The following LRP8 variants were observed in gnomAD, a reference collection of about 807,000 sequenced individuals.
LRP8 encodes the protein LDL receptor related protein 8.
Under a neutral mutation model 111.6 loss-of-function variants are expected in LRP8, and 46 were observed. The ratio of observed to expected loss-of-function variants is 0.41; its 90% CI spans 0.33 to 0.53. The LOEUF is 0.53. Among genes scored for constraint, LRP8 ranks in the 20% least tolerant of loss-of-function variants. The pLI is 0.20. For missense variants in LRP8, 959 were observed against 1,297.4 expected, an observed-to-expected ratio of 0.74 and a Z score of 4.01; for synonymous variants, 464 against 511.2, an observed-to-expected ratio of 0.91 and a Z score of 1.24.
Position 53,327,512 on chromosome 1 carries a change from T to G in LRP8, c.124+277A>C, listed in dbSNP as rs1354289727. 4.6e-5 allele frequency: 16 copies of G among 347,434 alleles called. No individual in the cohort carries two copies. In the Admixed American group the frequency reaches 6.9e-4, roughly 15 times the overall value. The allele number at this position is 347,434 out of a possible 1,614,324, so 21.5% of individuals were successfully genotyped here. A position where few individuals can be genotyped will look rare whatever the true frequency, so the allele number is the denominator to read the frequency against. ...GAATCACACAGCTCATCCGGAACCATGAATGGCCGCCCCTCCGGCAAAGTT... is the reference window on the plus strand; with the variant it reads ...GAATCACACAGCTCATCCGGAACCAGGAATGGCCGCCCCTCCGGCAAAGTT... On this transcript the variant is annotated intron_variant, in intron 1 of 18. Coordinates refer to ENST00000306052, the MANE Select transcript of LRP8 (RefSeq NM_004631.5).
chr1:53,284,310 C>T (rs1422054005), intron 3 of LRP8, among the ~76,000 whole-genome samples: 1 of 151,896 alleles, frequency 6.6e-6, no homozygotes, highest in Non-Finnish European at 1.5e-5. Context: ...TACTACATAC[C>T]TGGGCCACTT....
rs1646463184 is a variant in LRP8, at chr1:53,264,263, T to C, written c.1561A>G (p.Ile521Val). ...CCACCATCAACTGTGGCCACTGAGA[T>C]GGTCTTATTGCCCGAGTCAGTCCAG... is the stretch of plus-strand genomic sequence containing the variant. ...IYWTDSGNKT[I>V]SVATVDGGRR... Residue 521 changes from isoleucine (I) to valine (V), a missense_variant, in exon 10 of 19, where the codon ATC becomes GTC. This residue lies in a region of LRP8 where 819 missense variants were observed against 1,097.6 expected (regional missense o/e 0.75). Transcript: ENST00000306052. 6.2e-7 allele frequency: 1 copy of C among 1,614,188 alleles called. No individual in the cohort carries two copies. Among genetic ancestry groups the C allele is most frequent in the Non-Finnish European group, 8.5e-7 (1 of 1,180,026 alleles).
At chr1:53,322,015 T>A in intron 2 of LRP8, among the ~76,000 whole-genome samples, 1 of 151,696 alleles carries the variant, frequency 6.6e-6, no homozygotes, top group East Asian at 1.9e-4. Context: ...AACCTCGACA[T>A]CTGGCTAAGC....
At chr1:53,274,770 C>A (rs1334031713) in intron 6 of LRP8, 2 of 456,334 alleles carry the variant, frequency 4.4e-6, no homozygotes, top group Admixed American at 4.7e-5. Context: ...CCGCCGTCCA[C>A]GCGCTTGCCA....
Position 53,249,318 on chromosome 1 carries a change from C to T in LRP8, c.2853+62G>A, listed in dbSNP as rs747082224. 3.7e-5 allele frequency: 57 copies of T among 1,547,014 alleles called. No homozygotes were observed. The highest frequency in any genetic ancestry group is 3.5e-4 in the Middle Eastern group (2 of 5,788). On this transcript the variant is annotated intron_variant, in intron 18 of 18. Transcript: ENST00000306052. This position sits in a 1 kb window ranked among gnomAD's most constrained non-coding sequence, Gnocchi z 4.1. ...CCAGAAAGCCTTCTAGGATTGGCTGCGCCTGCCTTGGTTCATGCCCTCACT... is the reference window on the plus strand; with the variant it reads ...CCAGAAAGCCTTCTAGGATTGGCTGTGCCTGCCTTGGTTCATGCCCTCACT...
intron 2 of LRP8, among the ~76,000 whole-genome samples, chr1:53,315,132 TG>T (rs1224810378): frequency 2.9e-4 from 44 of 152,138 alleles, no homozygotes; most frequent in Non-Finnish European, 1.5e-5. Context: ...CCACCCCTCC[TG>T]AAGGTCCCTA....
intron 4 of LRP8, among the ~76,000 whole-genome samples, chr1:53,278,866 C>T (rs1647014413): frequency 6.6e-6 from 1 of 151,272 alleles, no homozygotes; most frequent in South Asian, 2.1e-4. Context: ...CTCCTGCGTT[C>T]CAGTGATTCT....
At chr1:53,309,587 T>C (rs1652624697) in intron 2 of LRP8, among the ~76,000 whole-genome samples, 1 of 151,876 alleles carries the variant, frequency 6.6e-6, no homozygotes, top group South Asian at 2.1e-4. Flanking sequence ...AGGGGAGAGG[T>C]CAGGCTGCGG....
At position 53,258,337 on chromosome 1, in the gene LRP8, T is replaced by G; in HGVS notation, c.2191A>C (p.Met731Leu). The G allele has an allele frequency of 6.2e-7, 1 of 1,614,094 alleles. No homozygotes were observed. Among genetic ancestry groups the G allele is most frequent in the Non-Finnish European group, 8.5e-7 (1 of 1,179,958 alleles). The change falls in exon 14 of 19, where the codon ATG becomes CTG. Residue 731 changes from methionine (M) to leucine (L), a missense_variant. Met to Leu is a conservative substitution (Grantham distance 15). This residue lies in a region of LRP8 where 819 missense variants were observed against 1,097.6 expected (regional missense o/e 0.75). Coordinates refer to ENST00000306052, the MANE Select transcript of LRP8 (RefSeq NM_004631.5). ...CPDTMWLGPDMKRCYRAPQST... is the reference protein window; with the variant it reads ...CPDTMWLGPDLKRCYRAPQST... ...TGCTTACCTCGGTAGCACCTCTTCATGTCTGGACCCAGCCACATTGTGTCA... is the reference window on the plus strand; with the variant it reads ...TGCTTACCTCGGTAGCACCTCTTCAGGTCTGGACCCAGCCACATTGTGTCA...
intron 3 of LRP8, chr1:53,288,381 T>C (rs910035968): frequency 3.3e-5 from 5 of 152,196 alleles, no homozygotes; most frequent in African/African-American, 1.2e-4. Context: ...GCACTGGGCT[T>C]CCCTCCTGCC....
intron 13 of LRP8, among the ~76,000 whole-genome samples, chr1:53,259,528 A>T (rs1475600976): frequency 6.6e-6 from 1 of 152,090 alleles, no homozygotes; most frequent in Non-Finnish European, 1.5e-5. Flanking sequence ...CAGACTGACA[A>T]ATAAAGACAC....
At chr1:53,302,314 G>C (rs1572625081) in intron 2 of LRP8, among the ~76,000 whole-genome samples, 1 of 152,144 alleles carries the variant, frequency 6.6e-6, no homozygotes. Context: ...CCCCAGGATT[G>C]GTTCCAACAG....
At chr1:53,261,223 C>A (rs528970057) in intron 12 of LRP8, among the ~76,000 whole-genome samples, 4 of 152,350 alleles carry the variant, frequency 2.6e-5, no homozygotes, top group Admixed American at 2.0e-4. Flanking sequence ...GAGGAATGCA[C>A]ACTTTTATTC....
rs186381612 is a variant in LRP8 at position 53,277,226 on chromosome 1, A to C, written c.497-148T>G. ...CTGAATGGTGGACGTGCAGTTAGGC[A>C]TAGCGAAGGCGGGCTTCCAACACGG... On this transcript the variant is annotated intron_variant, in intron 4 of 18. Coordinates refer to ENST00000306052, the MANE Select transcript of LRP8 (RefSeq NM_004631.5). 892 of 1,234,692 alleles carry C rather than the reference A, an allele frequency of 7.2e-4. 7 individuals carry two copies. In the African/African-American group the frequency reaches 0.013, roughly 18 times the overall value. The allele number at this position is 1,234,692 out of a possible 1,614,324, so 76.5% of individuals were successfully genotyped here.
chr1:53,274,345 C>G (rs1646850048), intron 6 of LRP8, among the ~76,000 whole-genome samples: 1 of 152,234 alleles, frequency 6.6e-6, no homozygotes, highest in African/African-American at 2.4e-5. Context: ...TAGAAGACCT[C>G]AGAGCCCAGG....
chr1:53,286,135 C>T (rs776843305), intron 3 of LRP8, among the ~76,000 whole-genome samples: 1 of 152,240 alleles, frequency 6.6e-6, no homozygotes, highest in African/African-American at 2.4e-5. Flanking sequence ...AGATAACCTC[C>T]AAATGGGGAC....
chr1:53,251,425 C>T (rs1037282944), intron 16 of LRP8, among the ~76,000 whole-genome samples: 1 of 151,912 alleles, frequency 6.6e-6, no homozygotes, highest in African/African-American at 2.4e-5. Context: ...AGAAGAACAT[C>T]TCTAGAAGGA....
Position 53,326,930 on chromosome 1 carries a change from CAG to C in LRP8, c.185_186del (p.Ser62CysfsTer9). The C allele has an allele frequency of 1.2e-6, 2 of 1,613,946 alleles. No individual in the cohort carries two copies. Among genetic ancestry groups the C allele is most frequent in the Non-Finnish European group, 1.7e-6 (2 of 1,179,980 alleles). On this transcript the variant is annotated frameshift_variant, in exon 2 of 19. Transcript: ENST00000306052. LOFTEE classifies it high-confidence loss of function. The part of the protein sequence containing the change: ...FQCRNERCIP[S>X]VWRCDEDDDC... ...TCATCGTCCTCGTCGCATCTCCACA[CAG>C]AGGGGATGCAGCGCTCGTTCCGGCA...
rs947306428 is a variant in LRP8, at chr1:53,257,563, C to G, written c.2210-99G>C. The G allele has an allele frequency of 3.5e-6, 3 of 855,290 alleles. No individual in the cohort carries two copies. The African/African-American group carries it at 5.0e-5, about 14-fold the overall frequency. 53.0% of individuals were successfully genotyped at this position (855,290 alleles called of 1,614,324 possible). A position where few individuals can be genotyped will look rare whatever the true frequency, so the allele number is the denominator to read the frequency against. ...TTAGGAACTTATCTTCATGGCGTAGCTCAAATGCCACTTCTGTGAAGCCTT... is the reference window on the plus strand; with the variant it reads ...TTAGGAACTTATCTTCATGGCGTAGGTCAAATGCCACTTCTGTGAAGCCTT... On this transcript the variant is annotated intron_variant, in intron 14 of 18. Transcript: ENST00000306052.
Sources: allele counts gnomAD v4.1 joint callset (sites outside exome capture counted in the v4.1 genomes callset), GRCh38; gene constraint gnomAD v4.1.1; regional missense constraint gnomAD v4.1.1; non-coding constraint Gnocchi (gnomAD v3.1); transcripts MANE v1.5; gene names NCBI Gene and HGNC (gene_info 2026-07-23, HGNC 2026-07-21).